SLC39A13: variants seen among roughly 807,000 people sequenced by gnomAD.
The protein encoded by SLC39A13 is solute carrier family 39 member 13.
SLC39A13 carries 18 observed loss-of-function variants against 38.7 expected under a neutral mutation model. The observed-to-expected ratio is 0.47, with a 90% CI of 0.32 to 0.69. The LOEUF is 0.69. Among genes scored for constraint, SLC39A13 ranks in the 30% least tolerant of loss-of-function variants. The pLI is 0.03. For synonymous variants in SLC39A13, 212 were observed against 219.1 expected, an observed-to-expected ratio of 0.97 and a Z score of 0.29; for missense variants, 395 against 490.7, an observed-to-expected ratio of 0.80 and a Z score of 1.84.
chr11:47,414,407 C>T lies in SLC39A13; in HGVS notation c.736-18C>T, dbSNP rs761758087. ...GCCCTCAACACAGACCCCGCAGCCA[C>T]GGCTCCCCTCCCTGCAGATCGGGCT... On this transcript the variant is annotated intron_variant, in intron 6 of 9. Coordinates refer to ENST00000362021, the MANE Select transcript of SLC39A13 (RefSeq NM_001128225.3). The T allele has an allele frequency of 9.3e-6, 15 of 1,604,450 alleles. No homozygotes were observed. The highest frequency in any genetic ancestry group is 1.6e-4 in the Middle Eastern group (1 of 6,068).
intron 1 of SLC39A13, 66 bp from the exon 2 acceptor site, chr11:47,410,021 C>T: frequency 1.9e-6 from 3 of 1,594,386 alleles, no homozygotes; most frequent in Non-Finnish European, 2.6e-6. Flanking sequence ...AGGGAGGCGC[C>T]ACGTTTCCTA....
At position 47,408,613 on chromosome 11, in the gene SLC39A13, C is replaced by G. The variant is rs1001469694; in HGVS notation, c.-58C>G. 2.7e-5 allele frequency: 4 copies of G among 147,788 alleles called. No individual in the cohort carries two copies. The highest frequency in any genetic ancestry group is 4.9e-5 in the African/African-American group (2 of 40,874). 9.2% of individuals were successfully genotyped at this position (147,788 alleles called of 1,614,324 possible). A position where few individuals can be genotyped will look rare whatever the true frequency, so the allele number is the denominator to read the frequency against. On this transcript the variant is annotated 5_prime_UTR_variant, in exon 1 of 10. Transcript: ENST00000362021. ...GCAGAGCCTGGGCGGGGCGCGGCAC[C>G]GCAGCTGGATGGCTGGGGCCGCCCG...
At position 47,409,623 on chromosome 11, in the gene SLC39A13, GTGGA is replaced by G. The variant is rs2095986861; in HGVS notation, c.-8-460_-8-457del. On this transcript the variant is annotated intron_variant, in intron 1 of 9. Coordinates refer to ENST00000362021, the MANE Select transcript of SLC39A13 (RefSeq NM_001128225.3). Reference sequence around the variant, plus strand: ...TTGGTCTCATGTCCTAGGAAGAAGCGTGGATGGTCTTGCCCTGGCTCATCTGCTC... The same window carrying G: ...TTGGTCTCATGTCCTAGGAAGAAGCGTGGTCTTGCCCTGGCTCATCTGCTC... 1.1e-5 allele frequency: 2 copies of G among 187,024 alleles called. 1 individual carries two copies. The highest frequency in any genetic ancestry group is 2.0e-4 in the South Asian group (2 of 9,904). 11.6% of individuals were successfully genotyped at this position (187,024 alleles called of 1,614,324 possible). A position where few individuals can be genotyped will look rare whatever the true frequency, so the allele number is the denominator to read the frequency against.
upstream of SLC39A13, among the ~76,000 whole-genome samples, chr11:47,408,154 A>G (rs2095978660): frequency 6.6e-6 from 1 of 152,236 alleles, no homozygotes; most frequent in South Asian, 2.1e-4. Flanking sequence ...GCTGACTCAG[A>G]GCAGGAGCGC....
Position 47,413,507 on chromosome 11 carries a change from A to G in SLC39A13, c.645A>G (p.Lys215=). 1 of 1,614,076 alleles carries G rather than the reference A, an allele frequency of 6.2e-7. No individual in the cohort carries two copies. Among genetic ancestry groups the G allele is most frequent in the Non-Finnish European group, 8.5e-7 (1 of 1,180,000 alleles). ...TCGGTGCCGTGGTCCGGAGCATCAA[A>G]GTGAGTGGCCTGCTCAGGGCCCCTG... ...PGLGAVVRSI[K]VSGYLNLLAN... The change falls in exon 5 of 10, where the codon AAA becomes AAG. Residue 215 remains lysine (K), a splice_region_variant and synonymous_variant. Transcript: ENST00000362021.
chr11:47,411,122 A>G (rs1218859618), intron 2 of SLC39A13, among the ~76,000 whole-genome samples: 2 of 152,080 alleles, frequency 1.3e-5, no homozygotes, highest in African/African-American at 4.8e-5. Context: ...CCCACCCCAA[A>G]CCCAGCTGCC....
intron 2 of SLC39A13, among the ~76,000 whole-genome samples, chr11:47,411,196 G>A (rs145813885): frequency 3.9e-4 from 59 of 152,270 alleles, no homozygotes; most frequent in African/African-American, 1.2e-3. Flanking sequence ...TCAGGCAGGC[G>A]ACTTCCAACC....
Position 47,415,578 on chromosome 11 carries a change from G to A in SLC39A13, c.*215G>A, listed in dbSNP as rs750713021. 104 of 657,926 alleles carry A rather than the reference G, an allele frequency of 1.6e-4. 1 individual carries two copies. In the Middle Eastern group the frequency reaches 2.7e-3, roughly 17 times the overall value. The allele number at this position is 657,926 out of a possible 1,614,324, so 40.8% of individuals were successfully genotyped here. On this transcript the variant is annotated 3_prime_UTR_variant, in exon 10 of 10. Transcript: ENST00000362021. ...ACACTGTGATCCCTGTGCTGGGTCC[G>A]GGGCCCAGTGTAGCGCCTGTCCCCA... is the stretch of plus-strand genomic sequence containing the variant.
At chr11:47,410,532 T>TA (rs1405942890) in intron 2 of SLC39A13, 137 bp downstream of exon 2, 1 of 1,222,624 alleles carries the variant, frequency 8.2e-7, no homozygotes. Context: ...CTTGGTCCTG[T>TA]AGGAGCTATC....
chr11:47,411,386 C>T (rs1013535029), intron 2 of SLC39A13, among the ~76,000 whole-genome samples: 1 of 152,116 alleles, frequency 6.6e-6, no homozygotes, highest in Non-Finnish European at 1.5e-5. Flanking sequence ...GGGCAGATCA[C>T]CTGAGGTCAG....
At chr11:47,408,213 C>A (rs934994335), upstream of SLC39A13, among the ~76,000 whole-genome samples, 1 of 152,212 alleles carries the variant, frequency 6.6e-6, no homozygotes, top group South Asian at 2.1e-4. Flanking sequence ...GGCGGCCGGG[C>A]GCGCCCCCGT....
intron 7 of SLC39A13, 48 bp from the exon 8 acceptor site, chr11:47,414,729 C>T: frequency 1.2e-6 from 2 of 1,600,422 alleles, no homozygotes; most frequent in Admixed American, 1.7e-5. Flanking sequence ...GCACTCAGGG[C>T]ATCAGGCCCC....
chr11:47,415,555 A>G lies in SLC39A13; in HGVS notation c.*192A>G, dbSNP rs2096023574. The G allele has an allele frequency of 1.4e-6, 1 of 692,088 alleles. No individual in the cohort carries two copies. Among genetic ancestry groups the G allele is most frequent in the Non-Finnish European group, 2.6e-6 (1 of 389,028 alleles). The allele number at this position is 692,088 out of a possible 1,614,324, so 42.9% of individuals were successfully genotyped here. A position where few individuals can be genotyped will look rare whatever the true frequency, so the allele number is the denominator to read the frequency against. ...CCAGAGGTGTGTGCGCGAGACCGAC[A>G]CTGTGATCCCTGTGCTGGGTCCGGG... On this transcript the variant is annotated 3_prime_UTR_variant, in exon 10 of 10. Coordinates refer to ENST00000362021, the MANE Select transcript of SLC39A13 (RefSeq NM_001128225.3).
chr11:47,415,239 C>G, intron 9 of SLC39A13, 49 bp from the exon 10 acceptor site: 1 of 1,613,580 alleles, frequency 6.2e-7, no homozygotes, highest in Non-Finnish European at 8.5e-7. Context: ...CTGGCCGCTG[C>G]CTGCTCCCCC....
chr11:47,410,604 G>T (rs2095994007), intron 2 of SLC39A13, among the ~76,000 whole-genome samples: 1 of 152,122 alleles, frequency 6.6e-6, no homozygotes. Context: ...AGCAGGGCCT[G>T]CCCCTGGGGA....
intron 3 of SLC39A13, 67 bp downstream of exon 3, chr11:47,412,106 G>A: frequency 6.7e-7 from 1 of 1,501,344 alleles, no homozygotes; most frequent in Non-Finnish European, 9.1e-7. Context: ...CACGCCCAGG[G>A]ATGGCCAGGA....
At chr11:47,412,097 A>C in intron 3 of SLC39A13, 58 bp downstream of exon 3, 1 of 1,538,612 alleles carries the variant, frequency 6.5e-7, no homozygotes, top group Non-Finnish European at 8.8e-7. Flanking sequence ...CCTGGTGCCC[A>C]CGCCCAGGGA....
At position 47,414,830 on chromosome 11, in the gene SLC39A13, C is replaced by T; in HGVS notation, c.840C>T (p.Ala280=). ...CCGGCTTTGACCGATGGAGCGCAGC[C>T]AAGCTGCAACTCTCAACAGCGCTGG... The part of the protein sequence containing the change: ...LRAGFDRWSA[A]KLQLSTALGG... Residue 280 remains alanine, a synonymous_variant, in exon 8 of 10, where the codon GCC becomes GCT. Transcript: ENST00000362021. 5 of 1,612,396 alleles carry T rather than the reference C, an allele frequency of 3.1e-6. No individual in the cohort carries two copies. The highest frequency in any genetic ancestry group is 4.2e-6 in the Non-Finnish European group (5 of 1,180,018).
At position 47,412,030 on chromosome 11, in the gene SLC39A13, G is replaced by C. The variant is rs141246142; in HGVS notation, c.406G>C (p.Ala136Pro). Residue 136 changes from alanine (A) to proline (P), a missense_variant, in exon 3 of 10, where the codon GCC becomes CCC. Transcript: ENST00000362021. Reference sequence around the variant, plus strand: ...CGAAGCCTGGGCCTACACGTGCAGCGCCAGCCCTGGTAAGTGAGGCCACAC... The same window carrying C: ...CGAAGCCTGGGCCTACACGTGCAGCCCCAGCCCTGGTAAGTGAGGCCACAC... The part of the protein sequence containing the change: ...LPEAWAYTCS[A>P]SPGGEGQSLQ... The C allele has an allele frequency of 6.2e-7, 1 of 1,609,198 alleles. No homozygotes were observed. The highest frequency in any genetic ancestry group is 8.5e-7 in the Non-Finnish European group (1 of 1,178,108).
Sources: gnomAD v4.1 joint callset for allele counts (sites outside exome capture counted in the v4.1 genomes callset) on GRCh38, gnomAD v4.1.1 for gene constraint, MANE v1.5 for transcripts, NCBI Gene and HGNC (gene_info 2026-07-23, HGNC 2026-07-21) for gene names.